GPR22: variants seen among roughly 807,000 people sequenced by gnomAD.
GPR22 encodes G protein-coupled receptor 22.
In GPR22, 13 loss-of-function variants were observed where a neutral mutation model predicts 31.0. That is an observed-to-expected ratio of 0.42 (90% confidence interval 0.27 to 0.67). The LOEUF (loss-of-function observed/expected upper bound fraction) is 0.67. GPR22 is among the 30% of genes least tolerant of loss of function. GPR22 has a pLI of 0.25. For missense variants in GPR22, 368 were observed against 509.6 expected (o/e 0.72, Z 2.67); for synonymous variants, 191 against 173.4 (o/e 1.10, Z -0.80).
Position 107,471,455 on chromosome 7 carries a change from C to T in GPR22, c.-874C>T, listed in dbSNP as rs1018417127. The T allele has an allele frequency of 6.6e-6, 1 of 151,958 alleles. No homozygotes were observed. Among genetic ancestry groups the T allele is most frequent in the African/African-American group, 2.4e-5 (1 of 41,422 alleles). 9.4% of individuals were successfully genotyped at this position (151,958 alleles called of 1,614,324 possible). On this transcript the variant is annotated 5_prime_UTR_variant, in exon 2 of 3. In the 5' UTR this introduces an upstream ATG that the reference lacks. Coordinates refer to ENST00000304402, the MANE Select transcript of GPR22 (RefSeq NM_005295.3). ...AGCATCTCCCTAGCTGTCTGAACTACGAACTGCAAGATGTTCTTGTAACAC... is the reference window on the plus strand; with the variant it reads ...AGCATCTCCCTAGCTGTCTGAACTATGAACTGCAAGATGTTCTTGTAACAC...
rs1796913256 is a variant in GPR22, at chr7:107,475,408, A to G, written c.*46A>G. The G allele has an allele frequency of 1.1e-6, 1 of 900,980 alleles. No individual in the cohort carries two copies. Among genetic ancestry groups the G allele is most frequent in the South Asian group, 2.0e-5 (1 of 49,604 alleles). The allele number at this position is 900,980 out of a possible 1,614,324, so 55.8% of individuals were successfully genotyped here. A position where few individuals can be genotyped will look rare whatever the true frequency, so the allele number is the denominator to read the frequency against. Reference sequence around the variant, plus strand: ...AAATCCACATTCAAATGAGTTTTAAATTTAAATTGTAAAAACTGATATTAC... The same window carrying G: ...AAATCCACATTCAAATGAGTTTTAAGTTTAAATTGTAAAAACTGATATTAC... On this transcript the variant is annotated 3_prime_UTR_variant, in exon 3 of 3. Coordinates refer to ENST00000304402, the MANE Select transcript of GPR22 (RefSeq NM_005295.3).
In GPR22 at chr7:107,475,210, A is replaced by G; in HGVS notation, c.1150A>G (p.Lys384Glu). Residue 384 changes from lysine (K) to glutamate (E), a missense_variant, in exon 3 of 3, where the codon AAG becomes GAG. Coordinates refer to ENST00000304402, the MANE Select transcript of GPR22 (RefSeq NM_005295.3). ...FQKVLKSKMKKRVVSIVEADP... is the reference protein window; with the variant it reads ...FQKVLKSKMKERVVSIVEADP... ...AAAGGTCTTGAAAAGTAAAATGAAA[A>G]AGCGAGTTGTTTCTATAGTAGAAGC... 1 of 1,612,034 alleles carries G rather than the reference A, an allele frequency of 6.2e-7. No individual in the cohort carries two copies. The highest frequency in any genetic ancestry group is 8.5e-7 in the Non-Finnish European group (1 of 1,178,562).
At chr7:107,471,036 T>A (rs1375407447) in intron 1 of GPR22, among the ~76,000 whole-genome samples, 1 of 152,034 alleles carries the variant, frequency 6.6e-6, no homozygotes, top group Non-Finnish European at 1.5e-5. Context: ...AATAACAGTA[T>A]GTTTAGTGTA....
In GPR22 at chr7:107,474,868, G is replaced by C. The variant is rs757317859; in HGVS notation, c.808G>C (p.Asp270His). The change falls in exon 3 of 3, where the codon GAC (aspartate) becomes CAC (histidine). Residue 270 changes from aspartate (D) to histidine (H), a missense_variant. Physicochemically the swap from Asp to His is moderately conservative, Grantham distance 81. Coordinates refer to ENST00000304402, the MANE Select transcript of GPR22 (RefSeq NM_005295.3). This position sits in a 1 kb window ranked among gnomAD's most constrained non-coding sequence, Gnocchi z 5.7. ...TCTAACCACACAACATGAGGCTACA[G>C]ACATGTCACAAAGCAGTGGTGGGAG... is the stretch of plus-strand genomic sequence containing the variant. ...ISLTTQHEATDMSQSSGGRNV... is the reference protein window; with the variant it reads ...ISLTTQHEATHMSQSSGGRNV... 1 of 1,613,150 alleles carries C rather than the reference G, an allele frequency of 6.2e-7. No homozygotes were observed. Among genetic ancestry groups the C allele is most frequent in the Non-Finnish European group, 8.5e-7 (1 of 1,179,464 alleles).
intron 2 of GPR22, among the ~76,000 whole-genome samples, chr7:107,473,714 G>A (rs1189574489): frequency 6.6e-6 from 1 of 151,878 alleles, no homozygotes; most frequent in Non-Finnish European, 1.5e-5. Context: ...TGTATGCTAG[G>A]AAGTTTTATC....
At chr7:107,475,973 T>C (rs933035168), downstream of GPR22, among the ~76,000 whole-genome samples, 64 of 151,130 alleles carry the variant, frequency 4.2e-4, no homozygotes, top group Non-Finnish European at 1.0e-4. Context: ...AAAAAACCTC[T>C]GTATACACAC....
At chr7:107,476,183 TTAAA>T (rs1271566125), downstream of GPR22, among the ~76,000 whole-genome samples, 469 of 86,498 alleles carry the variant, frequency 5.4e-3, 11 homozygotes, top group African/African-American at 0.024. Flanking sequence ...TGCAATGATT[TTAAA>T]AAAAAAAAAA....
chr7:107,471,062 ATC>A (rs1189454884), intron 1 of GPR22, among the ~76,000 whole-genome samples: 13 of 152,156 alleles, frequency 8.5e-5, no homozygotes, highest in African/African-American at 3.1e-4. Context: ...ATTGTTCATC[ATC>A]TCTGAAAATA....
intron 2 of GPR22, among the ~76,000 whole-genome samples, chr7:107,473,348 CATA>C (rs1417929471): frequency 6.6e-6 from 1 of 151,856 alleles, no homozygotes; most frequent in African/African-American, 2.4e-5. Context: ...TTTATTTTAG[CATA>C]ATGTCCCACT....
At chr7:107,471,160 T>C (rs996805299) in intron 1 of GPR22, among the ~76,000 whole-genome samples, 6 of 152,076 alleles carry the variant, frequency 3.9e-5, no homozygotes, top group African/African-American at 1.4e-4. Context: ...GTGAACTCTA[T>C]TGTTAAATAA....
At position 107,475,468 on chromosome 7, in the gene GPR22, T is replaced by A; in HGVS notation, c.*106T>A. The stretch of plus-strand genomic sequence containing the variant: ...TAAGAAAAATATTTTAAGTATTGGT[T>A]ATGTTGTAAATTTTCAATGTGAATG... On this transcript the variant is annotated 3_prime_UTR_variant, in exon 3 of 3. Transcript: ENST00000304402. 1.7e-6 allele frequency: 1 copy of A among 590,750 alleles called. No homozygotes were observed. Among genetic ancestry groups the A allele is most frequent in the Non-Finnish European group, 3.0e-6 (1 of 338,966 alleles). The allele number at this position is 590,750 out of a possible 1,614,324, so 36.6% of individuals were successfully genotyped here.
chr7:107,476,707 A>C (rs1234354415), downstream of GPR22, among the ~76,000 whole-genome samples: 1 of 151,750 alleles, frequency 6.6e-6, no homozygotes, highest in Non-Finnish European at 1.5e-5. Context: ...AAATAGGAAA[A>C]TACTGCATTG....
downstream of GPR22, among the ~76,000 whole-genome samples, chr7:107,475,919 T>TA (rs144055991): frequency 3.5e-3 from 529 of 151,416 alleles, 3 homozygotes; most frequent in African/African-American, 0.012. Context: ...CTTTTAAATG[T>TA]AAAAAATCAT....
At chr7:107,476,540 T>C (rs1288117028), downstream of GPR22, among the ~76,000 whole-genome samples, 2 of 151,624 alleles carry the variant, frequency 1.3e-5, no homozygotes, top group Non-Finnish European at 3.0e-5. Context: ...TCTCCCACCC[T>C]CAATTCATGT....
rs375837857 is a variant in GPR22, at chr7:107,474,872, T to A, written c.812T>A (p.Met271Lys). The A allele has an allele frequency of 1.2e-6, 2 of 1,613,232 alleles. No individual in the cohort carries two copies. Among genetic ancestry groups the A allele is most frequent in the Non-Finnish European group, 1.7e-6 (2 of 1,179,508 alleles). Residue 271 changes from methionine (M) to lysine (K), a missense_variant, in exon 3 of 3, where the codon ATG becomes AAG. Met to Lys is a moderately conservative substitution (Grantham distance 95). Coordinates refer to ENST00000304402, the MANE Select transcript of GPR22 (RefSeq NM_005295.3). The surrounding 1 kb of genome is among the most constrained non-coding windows in gnomAD (Gnocchi z 5.7). ...ACCACACAACATGAGGCTACAGACA[T>A]GTCACAAAGCAGTGGTGGGAGAAAT... ...SLTTQHEATD[M>K]SQSSGGRNVV...
At chr7:107,477,703 T>G (rs1797075233), downstream of GPR22, among the ~76,000 whole-genome samples, 3 of 151,842 alleles carry the variant, frequency 2.0e-5, no homozygotes, top group South Asian at 6.2e-4. Context: ...ATATAATATG[T>G]AAACCAAAAT....
chr7:107,474,663 T>C lies in GPR22; in HGVS notation c.603T>C (p.Asn201=), dbSNP rs1189634645. ...ENKTLLCVST[N]EYYTELGMYY... ...AGACACTTTTATGTGTCAGTACAAA[T>C]GAATACTACACTGAACTGGGAATGT... The change falls in exon 3 of 3, where the codon AAT becomes AAC. Residue 201 remains asparagine (N), a synonymous_variant. Coordinates refer to ENST00000304402, the MANE Select transcript of GPR22 (RefSeq NM_005295.3). This position sits in a 1 kb window ranked among gnomAD's most constrained non-coding sequence, Gnocchi z 5.7. The C allele has an allele frequency of 2.5e-6, 4 of 1,609,860 alleles. No individual in the cohort carries two copies. Among genetic ancestry groups the C allele is most frequent in the Non-Finnish European group, 3.4e-6 (4 of 1,176,752 alleles).
chr7:107,470,790 C>T (rs577351350), intron 1 of GPR22, among the ~76,000 whole-genome samples: 1 of 151,664 alleles, frequency 6.6e-6, no homozygotes, highest in African/African-American at 2.4e-5. Context: ...TTTGCTGTTA[C>T]TTATTACTTA....
At chr7:107,476,645 TC>T (rs943109286), downstream of GPR22, among the ~76,000 whole-genome samples, 1 of 151,726 alleles carries the variant, frequency 6.6e-6, no homozygotes, top group Admixed American at 6.6e-5. Context: ...AATGTAATAA[TC>T]TATCGATAAG....
Sources: allele counts gnomAD v4.1 joint callset (sites outside exome capture counted in the v4.1 genomes callset), GRCh38; gene constraint gnomAD v4.1.1; non-coding constraint Gnocchi (gnomAD v3.1); transcripts MANE v1.5; gene names NCBI Gene and HGNC (gene_info 2026-07-23, HGNC 2026-07-21).